THRB: variants seen among roughly 807,000 people sequenced by gnomAD.
The protein encoded by THRB is thyroid hormone receptor beta.
A neutral mutation model predicts 47.8 loss-of-function variants in THRB; 12 were observed. The observed-to-expected ratio is 0.25, with a 90% CI of 0.16 to 0.41. The LOEUF is 0.41. Among genes scored for constraint, THRB ranks in the 10% least tolerant of loss-of-function variants. THRB has a pLI of 1.00. For missense variants in THRB, 348 were observed against 589.2 expected (o/e 0.59, Z 4.24); for synonymous variants, 218 against 212.2 (o/e 1.03, Z -0.24).
chr3:24,256,442 T>C (rs1357091851), intron 3 of THRB, among the ~76,000 whole-genome samples: 3 of 152,080 alleles, frequency 2.0e-5, no homozygotes, highest in Non-Finnish European at 4.4e-5. Flanking sequence ...TAATTGTGAG[T>C]TCGTTGCAGG....
intron 1 of THRB, among the ~76,000 whole-genome samples, chr3:24,406,176 A>G (rs2067808533): frequency 6.6e-6 from 1 of 151,620 alleles, no homozygotes; most frequent in African/African-American, 2.4e-5. Flanking sequence ...CCTTGTCATT[A>G]TATTTGCTAG....
At chr3:24,401,059 C>A (rs1371161762) in intron 1 of THRB, among the ~76,000 whole-genome samples, 1 of 151,910 alleles carries the variant, frequency 6.6e-6, no homozygotes, top group Non-Finnish European at 1.5e-5. Context: ...CATTAACCAC[C>A]AATTATCACA....
intron 4 of THRB, among the ~76,000 whole-genome samples, chr3:24,210,302 C>T (rs566439469): frequency 9.2e-5 from 14 of 152,284 alleles, no homozygotes; most frequent in African/African-American, 3.4e-4. Flanking sequence ...AAATTCCATA[C>T]CTGCATGTTC....
intron 1 of THRB, among the ~76,000 whole-genome samples, chr3:24,356,148 C>G (rs1264565464): frequency 6.6e-6 from 1 of 152,088 alleles, no homozygotes; most frequent in African/African-American, 2.4e-5. Context: ...GGTGAAGGAT[C>G]TTGAGCAAGT....
intron 1 of THRB, among the ~76,000 whole-genome samples, chr3:24,477,728 A>T (rs939191795): frequency 6.6e-6 from 1 of 151,930 alleles, no homozygotes; most frequent in African/African-American, 2.4e-5. Flanking sequence ...GCAGCAAAAG[A>T]AGGCAACATC....
At chr3:24,183,743 T>C (rs1247561217) in intron 5 of THRB, among the ~76,000 whole-genome samples, 1 of 151,570 alleles carries the variant, frequency 6.6e-6, no homozygotes, top group African/African-American at 2.4e-5. Flanking sequence ...ACAACAAATC[T>C]GAAAGCTAGA....
intron 4 of THRB, among the ~76,000 whole-genome samples, chr3:24,210,297 C>T (rs2045884375): frequency 6.6e-6 from 1 of 152,204 alleles, no homozygotes; most frequent in Admixed American, 6.5e-5. Flanking sequence ...AAGAAAAATT[C>T]CATACCTGCA....
intron 4 of THRB, among the ~76,000 whole-genome samples, chr3:24,211,184 C>T (rs1474751309): frequency 1.6e-5 from 2 of 126,522 alleles, no homozygotes; most frequent in African/African-American, 3.5e-5. Context: ...TGGGCAACAG[C>T]AAGACTCCAT....
intron 2 of THRB, among the ~76,000 whole-genome samples, chr3:24,316,502 C>T (rs2058122180): frequency 6.6e-6 from 1 of 151,840 alleles, no homozygotes; most frequent in Admixed American, 6.6e-5. Flanking sequence ...GTTCCTCCTC[C>T]CCCACCACAT....
At chr3:24,269,419 A>G (rs2053064521) in intron 3 of THRB, among the ~76,000 whole-genome samples, 1 of 146,154 alleles carries the variant, frequency 6.8e-6, no homozygotes, top group Admixed American at 6.7e-5. Context: ...ACACACACAC[A>G]CACACACACA....
chr3:24,475,859 A>G (rs1163338719), intron 1 of THRB, among the ~76,000 whole-genome samples: 1 of 152,250 alleles, frequency 6.6e-6, no homozygotes, highest in Non-Finnish European at 1.5e-5. Flanking sequence ...ACATGTTTAC[A>G]GTTCCTTAAA....
intron 4 of THRB, among the ~76,000 whole-genome samples, chr3:24,226,558 G>T (rs925450544): frequency 1.3e-5 from 2 of 152,178 alleles, no homozygotes; most frequent in African/African-American, 4.8e-5. Flanking sequence ...AGGCAGCTGG[G>T]GTTCTGGCTC....
At chr3:24,174,806 A>T (rs1480718930) in intron 5 of THRB, among the ~76,000 whole-genome samples, 1 of 152,166 alleles carries the variant, frequency 6.6e-6, no homozygotes, top group Non-Finnish European at 1.5e-5. Context: ...TCCTGCTTGT[A>T]GACATGACTG....
intron 1 of THRB, among the ~76,000 whole-genome samples, chr3:24,416,147 C>T (rs181363005): frequency 1.5e-4 from 23 of 151,864 alleles, no homozygotes; most frequent in Admixed American, 6.6e-4. Context: ...CTTATATAAA[C>T]GTACTTTTAA....
intron 1 of THRB, among the ~76,000 whole-genome samples, chr3:24,379,069 A>C (rs1367738185): frequency 4.6e-5 from 7 of 152,140 alleles, no homozygotes; most frequent in African/African-American, 1.7e-4. Context: ...TGAGAGTCGC[A>C]CAGCCCTGCC....
intron 1 of THRB, among the ~76,000 whole-genome samples, chr3:24,345,219 T>C (rs2062936937): frequency 6.6e-6 from 1 of 152,138 alleles, no homozygotes; most frequent in Non-Finnish European, 1.5e-5. Context: ...ACAGCATCAG[T>C]TTACTGTCTT....
chr3:24,386,463 G>T (rs141723679), intron 1 of THRB, among the ~76,000 whole-genome samples: 2 of 152,028 alleles, frequency 1.3e-5, no homozygotes, highest in East Asian at 1.9e-4. Context: ...CATTTCACAA[G>T]GAATAAAAAC....
intron 1 of THRB, among the ~76,000 whole-genome samples, chr3:24,439,296 C>G (rs568387837): frequency 6.6e-6 from 1 of 152,154 alleles, no homozygotes; most frequent in South Asian, 2.1e-4. Flanking sequence ...AGGGGACTAG[C>G]CCTGTTAAGG....
intron 3 of THRB, among the ~76,000 whole-genome samples, chr3:24,252,248 C>T (rs1396748834): frequency 6.6e-6 from 1 of 151,978 alleles, no homozygotes; most frequent in Non-Finnish European, 1.5e-5. Context: ...AGTATAATGC[C>T]TTAGTAATTA....
Sources: gnomAD v4.1 joint callset for allele counts (sites outside exome capture counted in the v4.1 genomes callset) on GRCh38, gnomAD v4.1.1 for gene constraint, MANE v1.5 for transcripts, NCBI Gene and HGNC (gene_info 2026-07-23, HGNC 2026-07-21) for gene names.